The following DAAM1 variants were observed in gnomAD, a reference collection of about 807,000 sequenced individuals.
The protein encoded by DAAM1 is disheveled-associated activator of morphogenesis 1.
In DAAM1, 52 loss-of-function variants were observed where a neutral mutation model predicts 130.0. The ratio of observed to expected loss-of-function variants is 0.40; its 90% confidence interval spans 0.32 to 0.50. DAAM1 has a LOEUF of 0.50. DAAM1 is among the 20% of genes least tolerant of loss of function. The pLI is 0.61. For missense variants in DAAM1, 1,134 were observed against 1,303.8 expected, an observed-to-expected ratio of 0.87 and a Z score of 2.01; for synonymous variants, 452 against 444.5, an observed-to-expected ratio of 1.02 and a Z score of -0.21.
At chr14:59,235,830 G>T (rs946713942) in intron 1 of DAAM1, among the ~76,000 whole-genome samples, 1 of 152,110 alleles carries the variant, frequency 6.6e-6, no homozygotes, top group African/African-American at 2.4e-5. Context: ...AAAGATTCTG[G>T]TATGTGAATA....
chr14:59,269,174 C>T (rs2033097396), intron 2 of DAAM1, among the ~76,000 whole-genome samples: 1 of 152,218 alleles, frequency 6.6e-6, no homozygotes, highest in Non-Finnish European at 1.5e-5. Context: ...AGACAGGCAA[C>T]TAAATGTGCA....
intron 19 of DAAM1, 97 bp downstream of exon 19, chr14:59,354,061 GA>G: frequency 4.6e-6 from 5 of 1,088,450 alleles, no homozygotes; most frequent in Non-Finnish European, 6.4e-6. Context: ...TCCCCTTGGT[GA>G]TTTTTTTTTT....
chr14:59,195,425 G>C (rs918673380), intron 1 of DAAM1, among the ~76,000 whole-genome samples: 2 of 152,154 alleles, frequency 1.3e-5, no homozygotes, highest in Non-Finnish European at 2.9e-5. Context: ...TTACAGGCGT[G>C]AGCCACCGCG....
rs138713289 is a variant in DAAM1 at position 59,368,674 on chromosome 14, C to A, written c.3022C>A (p.Arg1008Ser). Residue 1008 changes from arginine (R) to serine (S), a missense_variant, in exon 25 of 25, where the codon CGT becomes AGT. This residue lies in a region of DAAM1 where 644 missense variants were observed against 695.9 expected (regional missense o/e 0.93). Transcript: ENST00000360909. The part of the protein sequence containing the change: ...AQLKEQRERE[R>S]KMRKAKENSE... ...GCTCAAAGAACAACGTGAAAGGGAA[C>A]GTAAAATGAGAAAAGCTAAAGAGAA... The A allele has an allele frequency of 3.1e-6, 5 of 1,613,060 alleles. No individual in the cohort carries two copies. In the African/African-American group the frequency reaches 5.3e-5, roughly 17 times the overall value.
At position 59,263,579 on chromosome 14, in the gene DAAM1, C is replaced by CA; in HGVS notation, c.104dup (p.Asn35LysfsTer25). On this transcript the variant is annotated frameshift_variant, in exon 2 of 25. Transcript: ENST00000360909. LOFTEE classifies it high-confidence loss of function. Reference sequence around the variant, plus strand: ...TCACGTATCGGCTGCGAAATGATAGCAACTTTGCGCTTCAGACCATGGAAC... The same window carrying CA: ...TCACGTATCGGCTGCGAAATGATAGCAAACTTTGCGCTTCAGACCATGGAAC... 1 of 1,614,178 alleles carries CA rather than the reference C, an allele frequency of 6.2e-7. No individual in the cohort carries two copies. The highest frequency in any genetic ancestry group is 8.5e-7 in the Non-Finnish European group (1 of 1,180,030).
At chr14:59,271,001 G>T (rs1202864471) in intron 2 of DAAM1, among the ~76,000 whole-genome samples, 1 of 152,196 alleles carries the variant, frequency 6.6e-6, no homozygotes, top group Non-Finnish European at 1.5e-5. Flanking sequence ...TTTTAGAGGA[G>T]AGCTTTCATT....
intron 15 of DAAM1, among the ~76,000 whole-genome samples, chr14:59,333,305 A>C (rs1490084821): frequency 1.3e-5 from 2 of 152,230 alleles, no homozygotes; most frequent in Admixed American, 1.3e-4. Context: ...TGTAAGTAGA[A>C]AGGCAAACTT....
intron 1 of DAAM1, among the ~76,000 whole-genome samples, chr14:59,251,300 G>A (rs970247149): frequency 1.3e-5 from 2 of 152,136 alleles, no homozygotes; most frequent in African/African-American, 2.4e-5. Context: ...CAAAGGGCCC[G>A]TGCATTAAAA....
chr14:59,347,466 G>GCTGAATCA, intron 16 of DAAM1, 73 bp from the exon 17 acceptor site: 1 of 1,372,618 alleles, frequency 7.3e-7, no homozygotes, highest in Non-Finnish European at 1.0e-6. Flanking sequence ...CAGCAGCTGG[G>GCTGAATCA]GTAGCAAAGT....
At chr14:59,197,756 A>G (rs867291070) in intron 1 of DAAM1, among the ~76,000 whole-genome samples, 1 of 151,490 alleles carries the variant, frequency 6.6e-6, no homozygotes, top group Non-Finnish European at 1.5e-5. Context: ...TTTTCTTTCT[A>G]TACTCCCTGC....
chr14:59,220,360 G>T (rs1450574242), intron 1 of DAAM1, among the ~76,000 whole-genome samples: 1 of 152,136 alleles, frequency 6.6e-6, no homozygotes, highest in Non-Finnish European at 1.5e-5. Flanking sequence ...TTTGCTGAGT[G>T]GATTGTTGTT....
chr14:59,367,678 A>C (rs1237524228), intron 24 of DAAM1, 79 bp downstream of exon 24: 3 of 1,491,384 alleles, frequency 2.0e-6, no homozygotes, highest in Non-Finnish European at 2.7e-6. Context: ...TTTAGAGAGC[A>C]CTCTGACCTG....
chr14:59,333,794 C>T (rs1441435133), intron 15 of DAAM1, among the ~76,000 whole-genome samples: 1 of 152,228 alleles, frequency 6.6e-6, no homozygotes, highest in Non-Finnish European at 1.5e-5. Context: ...CCTAAGTTTA[C>T]AAGACTCATA....
At chr14:59,238,273 A>C (rs1217365207) in intron 1 of DAAM1, among the ~76,000 whole-genome samples, 1 of 152,110 alleles carries the variant, frequency 6.6e-6, no homozygotes, top group Non-Finnish European at 1.5e-5. Context: ...AAGACCTAGC[A>C]GTCCTCTAAA....
At chr14:59,291,489 C>A in intron 3 of DAAM1, 183 bp downstream of exon 3, 1 of 551,298 alleles carries the variant, frequency 1.8e-6, no homozygotes, top group East Asian at 3.2e-5. Context: ...TTTGTCAGTA[C>A]TTCATTGGGC....
chr14:59,289,418 C>A (rs1321488908), intron 2 of DAAM1, among the ~76,000 whole-genome samples: 1 of 152,054 alleles, frequency 6.6e-6, no homozygotes, highest in Admixed American at 6.6e-5. Context: ...AAATGCATAT[C>A]AAAACCACAA....
At chr14:59,263,989 T>C (rs572556034) in intron 2 of DAAM1, 1 of 368,306 alleles carries the variant, frequency 2.7e-6, no homozygotes, top group East Asian at 6.2e-5. Context: ...GTCTATACAT[T>C]ATGCTAAATA....
intron 1 of DAAM1, among the ~76,000 whole-genome samples, chr14:59,198,159 C>A (rs1186582220): frequency 8.6e-5 from 13 of 151,172 alleles, no homozygotes; most frequent in Non-Finnish European, 5.9e-5. Context: ...GGGCTTCCTT[C>A]TTGTGTTTCC....
chr14:59,366,532 A>C (rs1459832824), intron 23 of DAAM1, among the ~76,000 whole-genome samples: 1 of 152,182 alleles, frequency 6.6e-6, no homozygotes, highest in African/African-American at 2.4e-5. Flanking sequence ...TGAGTTTGCT[A>C]TTAGTTTTAT....
Sources: allele counts gnomAD v4.1 joint callset (sites outside exome capture counted in the v4.1 genomes callset), GRCh38; gene constraint gnomAD v4.1.1; regional missense constraint gnomAD v4.1.1; transcripts MANE v1.5; gene names NCBI Gene and HGNC (gene_info 2026-07-23, HGNC 2026-07-21).